CASP10: variants seen among roughly 807,000 people sequenced by gnomAD.
The protein encoded by CASP10 is caspase 10.
A neutral mutation model predicts 48.5 loss-of-function variants in CASP10; 41 were observed. The observed-to-expected ratio is 0.85, with a 90% CI of 0.66 to 1.10. The LOEUF (loss-of-function observed/expected upper bound fraction) is 1.10, where lower values mean the gene tolerates loss of function less well. CASP10 is among the 50% of genes least tolerant of loss of function. The probability of loss-of-function intolerance (pLI) is 0.00; values close to 1 mark genes in which losing one functional copy is unlikely to be tolerated. For missense variants in CASP10, 614 were observed against 614.5 expected, an observed-to-expected ratio of 1.00 and a Z score of 0.01; for synonymous variants, 232 against 238.4, an observed-to-expected ratio of 0.97 and a Z score of 0.25.
At chr2:201,208,212 T>C in intron 8 of CASP10, 29 bp downstream of exon 8, 2 of 1,591,344 alleles carry the variant, frequency 1.3e-6, no homozygotes, top group Non-Finnish European at 1.7e-6. Flanking sequence ...GTTTATCAAA[T>C]GCAAATTGGG....
At chr2:201,193,573 G>A (rs529916185) in intron 4 of CASP10, among the ~76,000 whole-genome samples, 12 of 152,058 alleles carry the variant, frequency 7.9e-5, no homozygotes, top group Admixed American at 3.3e-4. Context: ...CTTCCCCTTC[G>A]TTCATTCAAC....
At chr2:201,187,378 T>G (rs909353699) in intron 2 of CASP10, among the ~76,000 whole-genome samples, 1 of 152,110 alleles carries the variant, frequency 6.6e-6, no homozygotes, top group Non-Finnish European at 1.5e-5. Context: ...AGCCTGAATT[T>G]CTTGATGGAA....
At chr2:201,225,774 C>G (rs1406479245), downstream of CASP10, among the ~76,000 whole-genome samples, 1 of 152,272 alleles carries the variant, frequency 6.6e-6, no homozygotes, top group East Asian at 1.9e-4. Flanking sequence ...GAGTTCAAGA[C>G]CAGCCTGGCC....
chr2:201,206,323 A>G (rs1343749572), intron 7 of CASP10: 2 of 195,312 alleles, frequency 1.0e-5, no homozygotes, highest in Admixed American at 1.1e-4. Flanking sequence ...CCACGATTTC[A>G]AGGATGATTT....
chr2:201,203,606 C>A (rs1050956813), intron 5 of CASP10, 124 bp from the exon 6 acceptor site: 2 of 899,914 alleles, frequency 2.2e-6, no homozygotes, highest in Non-Finnish European at 1.8e-6. Context: ...CGCAACCGGC[C>A]CAATGACCTT....
At chr2:201,199,046 T>C (rs943983715) in intron 5 of CASP10, among the ~76,000 whole-genome samples, 5 of 152,208 alleles carry the variant, frequency 3.3e-5, no homozygotes, top group Admixed American at 2.6e-4. Context: ...TTTATTATTT[T>C]TGTGCATTTA....
chr2:201,191,774 G>C (rs769680706), intron 3 of CASP10, among the ~76,000 whole-genome samples: 1 of 152,154 alleles, frequency 6.6e-6, no homozygotes, highest in African/African-American at 2.4e-5. Context: ...AAGCAGTATA[G>C]CTGGCCTACA....
intron 9 of CASP10, among the ~76,000 whole-genome samples, chr2:201,215,994 T>C (rs1209201432): frequency 6.6e-6 from 1 of 152,052 alleles, no homozygotes; most frequent in Non-Finnish European, 1.5e-5. Context: ...TAGGTCACCT[T>C]GGGTAGTATG....
At chr2:201,225,940 T>C (rs1945782449), downstream of CASP10, among the ~76,000 whole-genome samples, 1 of 152,154 alleles carries the variant, frequency 6.6e-6, no homozygotes, top group South Asian at 2.1e-4. Context: ...CACTCCAGCC[T>C]GGGTGATAGA....
downstream of CASP10, among the ~76,000 whole-genome samples, chr2:201,226,101 A>G (rs1389804429): frequency 1.3e-5 from 2 of 152,240 alleles, no homozygotes; most frequent in Non-Finnish European, 2.9e-5. Context: ...TAAAATATTA[A>G]ACAATCCAAC....
At chr2:201,190,385 T>C (rs1397783999) in intron 3 of CASP10, among the ~76,000 whole-genome samples, 3 of 152,170 alleles carry the variant, frequency 2.0e-5, no homozygotes, top group Non-Finnish European at 4.4e-5. Flanking sequence ...TTTTAGGGAA[T>C]TCTTTTTTAT....
intron 9 of CASP10, among the ~76,000 whole-genome samples, chr2:201,210,795 G>A (rs1028220723): frequency 1.3e-5 from 2 of 151,964 alleles, no homozygotes; most frequent in Non-Finnish European, 2.9e-5. Flanking sequence ...CTGCTCTCCA[G>A]GGAGCTAAAA....
intron 9 of CASP10, 33 bp from the exon 10 acceptor site, chr2:201,217,555 T>TAA: frequency 7.4e-6 from 11 of 1,482,250 alleles, no homozygotes; most frequent in Non-Finnish European, 1.0e-5. Flanking sequence ...TGAGACTCCG[T>TAA]AAAAAAAAAT....
chr2:201,193,380 G>T, intron 4 of CASP10: 1 of 368,696 alleles, frequency 2.7e-6, no homozygotes, highest in Admixed American at 3.8e-5. Context: ...GCTAATTTTT[G>T]TATTTTTAGT....
At chr2:201,193,448 TC>T (rs1245650729) in intron 4 of CASP10, 2 of 336,794 alleles carry the variant, frequency 5.9e-6, no homozygotes, top group Non-Finnish European at 1.2e-5. Context: ...CCTCAAGTGA[TC>T]CACCCACCTC....
chr2:201,190,654 C>T (rs1006364873), intron 3 of CASP10, among the ~76,000 whole-genome samples: 2 of 151,948 alleles, frequency 1.3e-5, no homozygotes, highest in South Asian at 2.1e-4. Context: ...TGTTATACCC[C>T]GTCCTATGTT....
intron 9 of CASP10, chr2:201,212,758 A>G (rs1396269530): frequency 1.3e-5 from 2 of 152,236 alleles, no homozygotes; most frequent in East Asian, 3.8e-4. Flanking sequence ...TAATGTTCAG[A>G]TCTGCCTTCA....
At chr2:201,203,249 A>T (rs1576111550) in intron 5 of CASP10, among the ~76,000 whole-genome samples, 1 of 152,078 alleles carries the variant, frequency 6.6e-6, no homozygotes, top group Admixed American at 6.5e-5. Context: ...CGTCTTTGTG[A>T]ACCTTCTCCT....
intron 5 of CASP10, among the ~76,000 whole-genome samples, chr2:201,197,003 A>T (rs531321200): frequency 1.3e-5 from 2 of 152,292 alleles, no homozygotes; most frequent in African/African-American, 4.8e-5. Context: ...GTTGTAGCAT[A>T]TCTCAGAATT....
Sources: allele counts gnomAD v4.1 joint callset (sites outside exome capture counted in the v4.1 genomes callset), GRCh38; gene constraint gnomAD v4.1.1; transcripts MANE v1.5; gene names NCBI Gene and HGNC (gene_info 2026-07-23, HGNC 2026-07-21).